The following WDR41 variants were observed in gnomAD, a reference collection of about 807,000 sequenced individuals.
WDR41 encodes WD repeat-containing protein 41.
In WDR41, 63 loss-of-function variants were observed where a neutral mutation model predicts 69.3. The observed-to-expected ratio is 0.91, with a 90% CI of 0.74 to 1.12. WDR41 has a LOEUF of 1.12. Ranked by LOEUF, WDR41 falls within the 50% of genes most tolerant of loss-of-function variation. The pLI is 0.00. For synonymous variants in WDR41, 185 were observed against 192.1 expected, an observed-to-expected ratio of 0.96 and a Z score of 0.31; for missense variants, 543 against 534.5, an observed-to-expected ratio of 1.02 and a Z score of -0.16.
At chr5:77,474,379 A>G (rs1384955518) in intron 2 of WDR41, among the ~76,000 whole-genome samples, 1 of 152,192 alleles carries the variant, frequency 6.6e-6, no homozygotes, top group African/African-American at 2.4e-5. Flanking sequence ...TGGCACATGT[A>G]CACATATGTA....
rs1361135844 is a variant in WDR41 at position 77,596,843 on chromosome 5, AG to A, written c.42+23635del. Among the ~76,000 whole-genome samples, 19 of 152,216 alleles carry A rather than the reference AG, an allele frequency of 1.2e-4. No homozygotes were observed. The South Asian group carries it at 3.1e-3, about 25-fold the overall frequency. On this transcript the variant is annotated intron_variant, in intron 1 of 5. Coordinates refer to the WDR41 transcript ENST00000509971. ...TATGAAAATGGTTTTAGCCAGGCAAAGTGGCTCATGCTTGTAATCCTAGCAC... is the reference window on the plus strand; with the variant it reads ...TATGAAAATGGTTTTAGCCAGGCAAATGGCTCATGCTTGTAATCCTAGCAC...
chr5:77,557,913 G>C (rs1743439161), intron 1 of WDR41, among the ~76,000 whole-genome samples: 1 of 151,970 alleles, frequency 6.6e-6, no homozygotes, highest in Non-Finnish European at 1.5e-5. Context: ...AATGTATACG[G>C]TATGATTATC....
At chr5:77,532,548 C>T (rs1802542805) in intron 1 of WDR41, among the ~76,000 whole-genome samples, 1 of 151,996 alleles carries the variant, frequency 6.6e-6, no homozygotes, top group Non-Finnish European at 1.5e-5. Context: ...TTTGGAAACT[C>T]AAATGTTTAT....
At chr5:77,453,457 C>T (rs1468515549) in intron 6 of WDR41, among the ~76,000 whole-genome samples, 1 of 151,952 alleles carries the variant, frequency 6.6e-6, no homozygotes, top group Non-Finnish European at 1.5e-5. Flanking sequence ...TTGGTAAGGA[C>T]AATTGTAAAA....
chr5:77,476,206 C>A (rs1157090207), intron 2 of WDR41, among the ~76,000 whole-genome samples: 1 of 152,148 alleles, frequency 6.6e-6, no homozygotes, highest in Non-Finnish European at 1.5e-5. Flanking sequence ...ACTGGTGTAA[C>A]TGAAAGTGAC....
At chr5:77,570,726 G>C (rs1743718914) in intron 1 of WDR41, among the ~76,000 whole-genome samples, 1 of 151,366 alleles carries the variant, frequency 6.6e-6, no homozygotes, top group Non-Finnish European at 1.5e-5. Flanking sequence ...TTAGTTAAAG[G>C]CTTTTAAATC....
chr5:77,479,555 A>C (rs1411236524), intron 2 of WDR41, among the ~76,000 whole-genome samples: 1 of 152,198 alleles, frequency 6.6e-6, no homozygotes, highest in Non-Finnish European at 1.5e-5. Flanking sequence ...CAAACCTGAC[A>C]AAAACAAGAA....
At chr5:77,582,346 C>T (rs1274709172) in intron 1 of WDR41, 9 of 1,589,120 alleles carry the variant, frequency 5.7e-6, no homozygotes, top group East Asian at 2.2e-5. Context: ...AGTACGCATG[C>T]GCCAACTTCC....
intron 12 of WDR41, among the ~76,000 whole-genome samples, chr5:77,434,521 A>G (rs6880171): frequency 0.093 from 14,095 of 151,996 alleles, 1,109 homozygotes; most frequent in African/African-American, 0.21. Context: ...CCTGGCCAAC[A>G]TGGTGACACC....
chr5:77,433,143 CAAGGTA>C lies in WDR41; in HGVS notation c.1366_1371del (p.Tyr456_Leu457del). On this transcript the variant is annotated inframe_deletion, in exon 13 of 13. Transcript: ENST00000296679. ...ATTTTTAATTCCTTAAACTAGACAG[CAAGGTA>C]TAAGTCACCATTCTCCTCTAATTTT... 6.2e-7 allele frequency: 1 copy of C among 1,611,502 alleles called. No homozygotes were observed. Among genetic ancestry groups the C allele is most frequent in the Non-Finnish European group, 8.5e-7 (1 of 1,179,112 alleles).
At chr5:77,456,044 A>T (rs1292424175) in intron 5 of WDR41, among the ~76,000 whole-genome samples, 1 of 152,170 alleles carries the variant, frequency 6.6e-6, no homozygotes, top group Non-Finnish European at 1.5e-5. Flanking sequence ...TCTGTAGATC[A>T]ATGTGGGTAG....
At chr5:77,457,047 A>G (rs1278657614) in intron 5 of WDR41, among the ~76,000 whole-genome samples, 1 of 152,198 alleles carries the variant, frequency 6.6e-6, no homozygotes, top group Non-Finnish European at 1.5e-5. Flanking sequence ...AGATTTTCAC[A>G]GAAGCCCTTT....
At chr5:77,514,138 G>GA (rs1294228995) in intron 1 of WDR41, among the ~76,000 whole-genome samples, 6 of 152,110 alleles carry the variant, frequency 3.9e-5, no homozygotes, top group South Asian at 2.1e-4. Flanking sequence ...ATATGGGGGG[G>GA]AATCACCTAA....
At chr5:77,514,459 T>C (rs1802263586) in intron 1 of WDR41, among the ~76,000 whole-genome samples, 1 of 152,228 alleles carries the variant, frequency 6.6e-6, no homozygotes. Context: ...ATTCCTTTCC[T>C]ATACAGCAAT....
chr5:77,567,168 C>T (rs1743648359), intron 1 of WDR41, among the ~76,000 whole-genome samples: 1 of 152,118 alleles, frequency 6.6e-6, no homozygotes, highest in African/African-American at 2.4e-5. Context: ...CTAGATTTTT[C>T]ATGCTTTGCA....
At position 77,442,894 on chromosome 5, in the gene WDR41, CAAAA is replaced by C. The variant is rs60442242; in HGVS notation, c.698-1901_698-1898del. On this transcript the variant is annotated intron_variant, in intron 8 of 12. Transcript: ENST00000296679. ...GCGACAGAGCGAGACTCTGTCTCCC[CAAAA>C]AAAAAAAAAAAAAAAGGATTTTTTT... is the stretch of plus-strand genomic sequence containing the variant. Among the ~76,000 whole-genome samples the C allele has an allele frequency of 1.2e-4, 7 of 56,260 alleles. 1 individual carries two copies. The highest frequency in any genetic ancestry group is 5.0e-4 in the African/African-American group (5 of 9,934). 36.9% of individuals were successfully genotyped at this position (56,260 alleles called of 152,430 possible). A position where few individuals can be genotyped will look rare whatever the true frequency, so the allele number is the denominator to read the frequency against.
intron 1 of WDR41, among the ~76,000 whole-genome samples, chr5:77,500,107 G>A (rs947947018): frequency 7.9e-5 from 12 of 152,076 alleles, no homozygotes; most frequent in African/African-American, 2.4e-4. Context: ...TATAATCAAC[G>A]GTTGCCAATG....
At chr5:77,499,896 A>G (rs898580410) in intron 1 of WDR41, among the ~76,000 whole-genome samples, 9 of 152,208 alleles carry the variant, frequency 5.9e-5, no homozygotes, top group African/African-American at 1.9e-4. Context: ...CTGAACAAAC[A>G]TTAGAGCCAC....
intron 1 of WDR41, among the ~76,000 whole-genome samples, chr5:77,608,691 G>C (rs1039268481): frequency 6.6e-6 from 1 of 152,212 alleles, no homozygotes; most frequent in African/African-American, 2.4e-5. Context: ...AGGCCAAATA[G>C]GAACGGCTCT....
Sources: allele counts gnomAD v4.1 joint callset (sites outside exome capture counted in the v4.1 genomes callset), GRCh38; gene constraint gnomAD v4.1.1; transcripts MANE v1.5; gene names NCBI Gene and HGNC (gene_info 2026-07-23, HGNC 2026-07-21).